Variants in ULK4 observed in about 807,000 individuals in gnomAD.
ULK4 encodes inactive serine/threonine-protein kinase ULK4.
In ULK4, 133 loss-of-function variants were observed where a neutral mutation model predicts 160.6. The observed-to-expected ratio is 0.83, with a 90% CI of 0.72 to 0.96. The LOEUF (loss-of-function observed/expected upper bound fraction) is 0.96. Among genes scored for constraint, ULK4 ranks in the 40% least tolerant of loss-of-function variants. The pLI is 0.00. For synonymous variants in ULK4, 534 were observed against 539.8 expected (o/e 0.99, Z 0.15); for missense variants, 1,580 against 1,499.5 (o/e 1.05, Z -0.89).
chr3:41,436,451 C>T (rs1406133883), intron 34 of ULK4, among the ~76,000 whole-genome samples: 1 of 152,092 alleles, frequency 6.6e-6, no homozygotes, highest in African/African-American at 2.4e-5. Context: ...TTATCTGTTA[C>T]TATATATTCA....
chr3:41,783,502 C>T (rs1417072165), intron 21 of ULK4, among the ~76,000 whole-genome samples: 1 of 151,500 alleles, frequency 6.6e-6, no homozygotes, highest in East Asian at 1.9e-4. Flanking sequence ...TGCCACTACG[C>T]TCCAGCCTAG....
intron 35 of ULK4, among the ~76,000 whole-genome samples, chr3:41,257,651 T>G (rs1233224021): frequency 2.7e-5 from 4 of 147,704 alleles, no homozygotes; most frequent in African/African-American, 5.0e-5. Context: ...AAAAAAAAAT[T>G]AAACATAGTC....
chr3:41,264,687 T>G (rs925648442), intron 35 of ULK4, among the ~76,000 whole-genome samples: 2 of 152,262 alleles, frequency 1.3e-5, no homozygotes, highest in Non-Finnish European at 2.9e-5. Context: ...TGATTACATA[T>G]TCTCTGATTT....
At position 41,918,791 on chromosome 3, in the gene ULK4, T is replaced by C. The variant is rs543896710; in HGVS notation, c.644-251A>G. Among the ~76,000 whole-genome samples, 153 of 151,930 alleles carry C rather than the reference T, an allele frequency of 1.0e-3. 2 individuals are homozygous for C. The highest frequency in any genetic ancestry group is 3.4e-3 in the Middle Eastern group (1 of 294). On this transcript the variant is annotated intron_variant, in intron 6 of 36. Coordinates refer to ENST00000301831, the MANE Select transcript of ULK4 (RefSeq NM_017886.4). ...TAATTTTTTGTATTTTTAGTAGAGATGGGGTTTCACCGTGTTAGCCAGGAT... is the reference window on the plus strand; with the variant it reads ...TAATTTTTTGTATTTTTAGTAGAGACGGGGTTTCACCGTGTTAGCCAGGAT...
chr3:41,900,629 A>G (rs1698317336), intron 13 of ULK4, 96 bp downstream of exon 13: 1 of 994,298 alleles, frequency 1.0e-6, no homozygotes, highest in African/African-American at 1.6e-5. Context: ...GAAACAGGAA[A>G]GATTATACAG....
intron 32 of ULK4, among the ~76,000 whole-genome samples, chr3:41,532,732 G>A (rs1348409533): frequency 6.6e-6 from 1 of 152,134 alleles, no homozygotes; most frequent in African/African-American, 2.4e-5. Context: ...ACCAGAGACT[G>A]TATGGCCCAT....
chr3:41,954,390 T>C (rs796727134), intron 2 of ULK4, among the ~76,000 whole-genome samples: 11 of 151,458 alleles, frequency 7.3e-5, no homozygotes, highest in African/African-American at 2.7e-4. Flanking sequence ...CCCCAATTTA[T>C]ACCCACCCCC....
intron 2 of ULK4, among the ~76,000 whole-genome samples, chr3:41,942,364 C>G (rs1239362522): frequency 6.6e-6 from 1 of 151,814 alleles, no homozygotes. Flanking sequence ...ATAAAAAATA[C>G]AAAAATTAGG....
intron 12 of ULK4, among the ~76,000 whole-genome samples, chr3:41,907,504 G>A (rs571973336): frequency 6.6e-6 from 1 of 151,834 alleles, no homozygotes; most frequent in East Asian, 1.9e-4. Context: ...TCGCTATGTT[G>A]GCCAGGCTGG....
intron 35 of ULK4, among the ~76,000 whole-genome samples, chr3:41,256,243 T>A (rs929999163): frequency 3.3e-5 from 5 of 152,218 alleles, no homozygotes; most frequent in African/African-American, 1.2e-4. Flanking sequence ...TAACTGACTC[T>A]AAAATTTGCA....
chr3:41,814,057 T>C (rs182887567), intron 19 of ULK4, among the ~76,000 whole-genome samples: 3 of 152,238 alleles, frequency 2.0e-5, no homozygotes, highest in Admixed American at 1.3e-4. Context: ...GCACACACAA[T>C]GTAGCATTTT....
At chr3:41,775,007 G>C (rs200988460) in intron 21 of ULK4, among the ~76,000 whole-genome samples, 1 of 146,840 alleles carries the variant, frequency 6.8e-6, no homozygotes, top group Non-Finnish European at 1.5e-5. Flanking sequence ...TCACTCATAG[G>C]TGGGAATTGA....
At chr3:41,648,793 C>T (rs961841883) in intron 30 of ULK4, among the ~76,000 whole-genome samples, 1 of 152,132 alleles carries the variant, frequency 6.6e-6, no homozygotes, top group Admixed American at 6.5e-5. Flanking sequence ...TCCAACATCA[C>T]CAGTTTTACC....
At chr3:41,376,264 C>T (rs951683899) in intron 35 of ULK4, among the ~76,000 whole-genome samples, 1 of 150,228 alleles carries the variant, frequency 6.7e-6, no homozygotes, top group African/African-American at 2.5e-5. Flanking sequence ...CCAGCAATCC[C>T]TTTTCTGGGT....
chr3:41,645,748 G>C (rs1339213602), intron 30 of ULK4, among the ~76,000 whole-genome samples: 1 of 152,106 alleles, frequency 6.6e-6, no homozygotes, highest in Non-Finnish European at 1.5e-5. Flanking sequence ...GGGTATCCTT[G>C]TTAACTTTCT....
chr3:41,825,802 C>T (rs2041325144), intron 18 of ULK4, among the ~76,000 whole-genome samples: 1 of 152,112 alleles, frequency 6.6e-6, no homozygotes, highest in African/African-American at 2.4e-5. Context: ...TCAGGAAATA[C>T]AGAGAACGCC....
chr3:41,277,891 G>C (rs919948066), intron 35 of ULK4: 1 of 152,312 alleles, frequency 6.6e-6, no homozygotes, highest in Non-Finnish European at 1.5e-5. Context: ...CGATGCAGAA[G>C]ACAGGTGATT....
At chr3:41,920,924 C>T (rs1699160432) in intron 5 of ULK4, among the ~76,000 whole-genome samples, 1 of 152,192 alleles carries the variant, frequency 6.6e-6, no homozygotes, top group Admixed American at 6.5e-5. Context: ...TGCACTCTGT[C>T]CAACACTTAA....
At chr3:41,448,077 C>T (rs1349895493) in intron 34 of ULK4, among the ~76,000 whole-genome samples, 1 of 152,144 alleles carries the variant, frequency 6.6e-6, no homozygotes, top group Non-Finnish European at 1.5e-5. Flanking sequence ...CTTTCCTACA[C>T]AAATATAATT....
Sources: allele counts gnomAD v4.1 joint callset (sites outside exome capture counted in the v4.1 genomes callset), GRCh38; gene constraint gnomAD v4.1.1; transcripts MANE v1.5; gene names NCBI Gene and HGNC (gene_info 2026-07-23, HGNC 2026-07-21).